The following CNOT10 variants were observed in gnomAD, a reference collection of about 807,000 sequenced individuals.
The protein encoded by CNOT10 is CCR4-NOT transcription complex subunit 10.
In CNOT10, 30 loss-of-function variants were observed where a neutral mutation model predicts 94.6. The ratio of observed to expected loss-of-function variants is 0.32; its 90% CI spans 0.24 to 0.43. CNOT10 has a LOEUF of 0.43. Among genes scored for constraint, CNOT10 ranks in the 20% least tolerant of loss-of-function variants. CNOT10 has a pLI of 1.00. For missense variants in CNOT10, 759 were observed against 877.2 expected, an observed-to-expected ratio of 0.87 and a Z score of 1.70; for synonymous variants, 289 against 301.6, an observed-to-expected ratio of 0.96 and a Z score of 0.43.
In CNOT10 at chr3:32,767,556, T is replaced by A. The variant is rs1053771884; in HGVS notation, c.2005-2331T>A. 1.1e-4 allele frequency among the ~76,000 whole-genome samples: 16 copies of A among 145,918 alleles called. 1 individual carries two copies. In the Admixed American group the frequency reaches 1.1e-3, roughly 10 times the overall value. On this transcript the variant is annotated intron_variant, in intron 17 of 18. Transcript: ENST00000328834. Reference sequence around the variant, plus strand: ...AAAAAAAGCCTATGTGGCTTTCACATAGGTTCCTGCTTATGTGAGCAGCCT... The same window carrying A: ...AAAAAAAGCCTATGTGGCTTTCACAAAGGTTCCTGCTTATGTGAGCAGCCT...
rs753065645 is a variant in CNOT10, at chr3:32,708,808, A to G, written c.418A>G (p.Ile140Val). Residue 140 changes from isoleucine (I) to valine (V), a missense_variant, in exon 4 of 19, where the codon ATA (isoleucine) becomes GTA (valine). Physicochemically the swap from Ile to Val is conservative, Grantham distance 29. Around this residue, in one of 3 missense-constraint regions of CNOT10, gnomAD observed 682 missense variants for 799.4 expected, o/e 0.85. Transcript: ENST00000328834. ...AGTTGGTGAAAAACTTTATCAGTTC[A>G]TAGAGCCTTTTGGTATGTTATCTGT... is the stretch of plus-strand genomic sequence containing the variant. ...ISVGEKLYQF[I>V]EPFEEKFAQA... 1.2e-6 allele frequency: 2 copies of G among 1,609,760 alleles called. No homozygotes were observed. Among genetic ancestry groups the G allele is most frequent in the Non-Finnish European group, 1.7e-6 (2 of 1,178,950 alleles).
intron 13 of CNOT10, among the ~76,000 whole-genome samples, chr3:32,751,826 G>C (rs963210237): frequency 6.6e-6 from 1 of 152,120 alleles, no homozygotes; most frequent in African/African-American, 2.4e-5. Flanking sequence ...GACTGAGTGT[G>C]GTCCTCCTGA....
chr3:32,745,635 T>C (rs1348199433), intron 13 of CNOT10, among the ~76,000 whole-genome samples: 1 of 152,242 alleles, frequency 6.6e-6, no homozygotes, highest in Non-Finnish European at 1.5e-5. Context: ...AGCCCAGGTA[T>C]TCATCAGTAG....
chr3:32,698,034 C>G (rs1296459334), intron 1 of CNOT10, among the ~76,000 whole-genome samples: 1 of 152,196 alleles, frequency 6.6e-6, no homozygotes, highest in Non-Finnish European at 1.5e-5. Flanking sequence ...TCCTGTGTCA[C>G]ATTTTTACAC....
chr3:32,708,235 C>T (rs1312708595), intron 3 of CNOT10, among the ~76,000 whole-genome samples: 1 of 152,062 alleles, frequency 6.6e-6, no homozygotes, highest in South Asian at 2.1e-4. Context: ...TTAGTTTTTA[C>T]AAAATGAAAT....
intron 18 of CNOT10, among the ~76,000 whole-genome samples, chr3:32,772,954 C>G (rs930086807): frequency 6.6e-6 from 1 of 152,194 alleles, no homozygotes; most frequent in Non-Finnish European, 1.5e-5. Flanking sequence ...CAGCCTTGAC[C>G]TCCCAGGTTC....
chr3:32,728,361 C>G (rs560388617), intron 10 of CNOT10, among the ~76,000 whole-genome samples: 37 of 152,212 alleles, frequency 2.4e-4, no homozygotes, highest in African/African-American at 8.9e-4. Flanking sequence ...TGGCTCACGC[C>G]TGTAATCCAA....
At chr3:32,730,439 T>C (rs1698891751) in intron 10 of CNOT10, among the ~76,000 whole-genome samples, 1 of 152,010 alleles carries the variant, frequency 6.6e-6, no homozygotes, top group Non-Finnish European at 1.5e-5. Context: ...AAAGATGACT[T>C]TCGGTTGCCA....
intron 13 of CNOT10, among the ~76,000 whole-genome samples, chr3:32,745,028 G>A (rs1699631476): frequency 2.0e-5 from 3 of 152,076 alleles, no homozygotes; most frequent in Non-Finnish European, 4.4e-5. Flanking sequence ...ACAGGCGTGT[G>A]CCACAATGCC....
At position 32,708,803 on chromosome 3, in the gene CNOT10, A is replaced by G; in HGVS notation, c.413A>G (p.Gln138Arg). 2 of 1,610,794 alleles carry G rather than the reference A, an allele frequency of 1.2e-6. No individual in the cohort carries two copies. The highest frequency in any genetic ancestry group is 1.7e-6 in the Non-Finnish European group (2 of 1,179,208). Residue 138 changes from glutamine (Q) to arginine (R), a missense_variant, in exon 4 of 19, where the codon CAG becomes CGG. By Grantham distance (43) the Gln-to-Arg change is conservative (BLOSUM62 1). Coordinates refer to ENST00000328834, the MANE Select transcript of CNOT10 (RefSeq NM_015442.3). ...EAISVGEKLY[Q>R]FIEPFEEKFA... is the part of the protein sequence containing the mutation. ...ATATCAGTTGGTGAAAAACTTTATC[A>G]GTTCATAGAGCCTTTTGGTATGTTA...
chr3:32,703,921 C>G lies in CNOT10; in HGVS notation c.76C>G (p.Gln26Glu), dbSNP rs371171751. ...AGGTCAGTCCTCTGGGATCACTGAT[C>G]AAGAGAAGGAGTTATCCACCAATGC... Reference protein sequence around the residue: ...GTGQSSGITDQEKELSTNAFQ... With the variant: ...GTGQSSGITDEEKELSTNAFQ... The change falls in exon 2 of 19, where the codon CAA (glutamine) becomes GAA (glutamate). Residue 26 changes from glutamine to glutamate, a missense_variant. Coordinates refer to ENST00000328834, the MANE Select transcript of CNOT10 (RefSeq NM_015442.3). 5.6e-5 allele frequency: 91 copies of G among 1,613,702 alleles called. No homozygotes were observed. Among genetic ancestry groups the G allele is most frequent in the Non-Finnish European group, 7.6e-5 (90 of 1,179,796 alleles).
chr3:32,754,489 A>AAATATATATATATAT (rs77878221), intron 13 of CNOT10, among the ~76,000 whole-genome samples: 1 of 70,220 alleles, frequency 1.4e-5, no homozygotes, highest in African/African-American at 7.7e-5. Flanking sequence ...AAAAAAAAAA[A>AAATATATATATATAT]ATACATATAT....
At chr3:32,768,433 AT>A (rs1453389401) in intron 17 of CNOT10, among the ~76,000 whole-genome samples, 5 of 152,182 alleles carry the variant, frequency 3.3e-5, no homozygotes, top group Non-Finnish European at 7.3e-5. Flanking sequence ...AATACAAGAA[AT>A]TAGCTGGGCG....
chr3:32,711,696 C>T (rs1229802031), intron 4 of CNOT10, among the ~76,000 whole-genome samples: 3 of 152,102 alleles, frequency 2.0e-5, no homozygotes, highest in Admixed American at 6.6e-5. Flanking sequence ...GAAAGCATTC[C>T]CACTGGAGGT....
At chr3:32,739,311 C>G (rs1448434847) in intron 13 of CNOT10, among the ~76,000 whole-genome samples, 1 of 152,092 alleles carries the variant, frequency 6.6e-6, no homozygotes, top group Non-Finnish European at 1.5e-5. Context: ...AGAGAATAGA[C>G]TTCTACTTCA....
chr3:32,739,019 C>A (rs1287558938), intron 13 of CNOT10, among the ~76,000 whole-genome samples: 1 of 151,902 alleles, frequency 6.6e-6, no homozygotes, highest in South Asian at 2.1e-4. Context: ...ATTCTCCTGC[C>A]TCAGCTTCCT....
At chr3:32,754,495 T>TAA (rs1559512420) in intron 13 of CNOT10, among the ~76,000 whole-genome samples, 1 of 89,818 alleles carries the variant, frequency 1.1e-5, no homozygotes, top group Non-Finnish European at 2.1e-5. Context: ...AAAAAATACA[T>TAA]ATATATATAT....
At chr3:32,692,130 G>C (rs1696878901) in intron 1 of CNOT10, among the ~76,000 whole-genome samples, 1 of 151,884 alleles carries the variant, frequency 6.6e-6, no homozygotes, top group Non-Finnish European at 1.5e-5. Context: ...GGGAGGCCGA[G>C]GTGGGTGGAT....
intron 14 of CNOT10, among the ~76,000 whole-genome samples, chr3:32,760,179 CAA>C (rs376621393): frequency 6.7e-5 from 9 of 133,340 alleles, no homozygotes; most frequent in Admixed American, 7.6e-5. Flanking sequence ...GACTCTGTCT[CAA>C]AAAAAAAAAA....
Sources: gnomAD v4.1 joint callset for allele counts (sites outside exome capture counted in the v4.1 genomes callset) on GRCh38, gnomAD v4.1.1 for gene constraint, gnomAD v4.1.1 regional missense constraint, MANE v1.5 for transcripts, NCBI Gene and HGNC (gene_info 2026-07-23, HGNC 2026-07-21) for gene names.